The following IDS variants were observed in gnomAD, a reference collection of about 807,000 sequenced individuals.
IDS encodes alpha-L-iduronate sulfate sulfatase.
IDS carries 1 observed loss-of-function variant against 33.5 expected under a neutral mutation model. The ratio of observed to expected loss-of-function variants is 0.03; its 90% CI spans 0.01 to 0.14. The LOEUF (loss-of-function observed/expected upper bound fraction) is 0.14, where lower values mean the gene tolerates loss of function less well. Ranked by LOEUF, IDS falls within the 10% of genes least tolerant of loss-of-function variation. The pLI is 1.00. For missense variants in IDS, 328 were observed against 448.0 expected, an observed-to-expected ratio of 0.73 and a Z score of 2.42; for synonymous variants, 191 against 184.4, an observed-to-expected ratio of 1.04 and a Z score of -0.29.
chrX:149,489,415 A>G (rs782628232), intron 7 of IDS, among the ~76,000 whole-genome samples: 18 of 112,457 alleles, frequency 1.6e-4, no homozygotes, highest in Non-Finnish European at 1.9e-5. Context: ...GATGGCTGGC[A>G]GATGGATCCC....
intron 8 of IDS, 61 bp from the exon 9 acceptor site, chrX:149,483,279 A>C: frequency 1.1e-6 from 1 of 928,541 alleles, no homozygotes. Context: ...ATGGCCAGGC[A>C]GGAGCAGTAA....
intron 1 of IDS, among the ~76,000 whole-genome samples, chrX:149,504,677 A>G (rs1289540955): frequency 9.3e-6 from 1 of 107,069 alleles, no homozygotes; most frequent in African/African-American, 3.4e-5. Flanking sequence ...AGGAGGGGAG[A>G]AGAGAGAGAA....
intron 6 of IDS, 96 bp from the exon 7 acceptor site, chrX:149,490,536 T>C (rs1263154314): frequency 2.2e-6 from 2 of 890,302 alleles, no homozygotes; most frequent in Non-Finnish European, 3.2e-6. Context: ...TCCCAATCCC[T>C]ACCCCTTAGT....
intron 4 of IDS, among the ~76,000 whole-genome samples, chrX:149,500,114 A>C (rs782788747): frequency 4.5e-5 from 5 of 111,572 alleles, no homozygotes; most frequent in Non-Finnish European, 7.5e-5. Context: ...TAGTATTGTC[A>C]GACCCACCAC....
rs1424009797 is a variant in IDS, at chrX:149,479,000, A to C, written c.*3746T>G. The C allele has an allele frequency of 1.8e-5, 2 of 112,668 alleles. No individual in the cohort carries two copies. Among genetic ancestry groups the C allele is most frequent in the African/African-American group, 6.4e-5 (2 of 31,037 alleles). The allele number at this position is 112,668 out of a possible 1,213,427, so 9.3% of individuals were successfully genotyped here. On this transcript the variant is annotated 3_prime_UTR_variant, in exon 9 of 9. Transcript: ENST00000340855. Reference sequence around the variant, plus strand: ...GATCAAGGTCACTAACAAGCAAAGAATTTTAAGTTTTTTTTGTTTTTTGTT... The same window carrying C: ...GATCAAGGTCACTAACAAGCAAAGACTTTTAAGTTTTTTTTGTTTTTTGTT...
intron 6 of IDS, 100 bp from the exon 7 acceptor site, chrX:149,490,540 CCT>C: frequency 2.3e-6 from 2 of 879,774 alleles, no homozygotes; most frequent in Non-Finnish European, 3.3e-6. Flanking sequence ...AATCCCTACC[CCT>C]TAGTTGATGC....
chrX:149,500,137 T>C (rs2089468242), intron 4 of IDS, among the ~76,000 whole-genome samples: 1 of 110,905 alleles, frequency 9.0e-6, no homozygotes, highest in Admixed American at 9.6e-5. Flanking sequence ...TGAGAAGAAA[T>C]GGGTAGGGGG....
In IDS at chrX:149,481,267, G is replaced by A. The variant is rs1387709291; in HGVS notation, c.*1479C>T. On this transcript the variant is annotated 3_prime_UTR_variant, in exon 9 of 9. Transcript: ENST00000340855. ...GAAATGAACAGGGCCCTTCAGTCAC[G>A]GAGAAGTCGTTGTTGCCAGAACAGT... The A allele has an allele frequency of 2.7e-5, 3 of 112,256 alleles. No individual in the cohort carries two copies. Among genetic ancestry groups the A allele is most frequent in the Non-Finnish European group, 5.6e-5 (3 of 53,265 alleles). 9.3% of individuals were successfully genotyped at this position (112,256 alleles called of 1,213,427 possible).
intron 7 of IDS, chrX:149,487,410 C>G (rs781850822): frequency 7.3e-5 from 45 of 620,679 alleles, no homozygotes; most frequent in Non-Finnish European, 9.6e-5. Flanking sequence ...GCGGTTCCCA[C>G]ACATGCGTTC....
chrX:149,487,169 C>A (rs1242213786), intron 7 of IDS, 71 bp from the exon 8 acceptor site: 9 of 1,206,973 alleles, frequency 7.5e-6, no homozygotes, highest in Non-Finnish European at 1.0e-5. Flanking sequence ...ATTTTAGATA[C>A]CATTTCATTT....
At position 149,485,135 on chromosome X, in the gene IDS, G is replaced by C. The variant is rs140128958; in HGVS notation, c.1180+1790C>G. 4.6e-3 allele frequency among the ~76,000 whole-genome samples: 511 copies of C among 112,289 alleles called. 3 individuals are homozygous for C. Among genetic ancestry groups the C allele is most frequent in the Non-Finnish European group, 6.9e-3 (370 of 53,240 alleles). The stretch of plus-strand genomic sequence containing the variant: ...ACTTATAAAAAGATGAGGTCAGGGA[G>C]ATAATGGGGCCAGAACATGTAAGGC... On this transcript the variant is annotated intron_variant, in intron 8 of 8. Transcript: ENST00000340855.
intron 6 of IDS, among the ~76,000 whole-genome samples, chrX:149,494,295 C>A (rs1239396658): frequency 2.7e-5 from 3 of 111,888 alleles, no homozygotes; most frequent in Non-Finnish European, 5.7e-5. Flanking sequence ...TTTAGGGAAG[C>A]AACAAAGCCA....
chrX:149,504,439 G>T, intron 1 of IDS, 146 bp from the exon 2 acceptor site: 1 of 616,003 alleles, frequency 1.6e-6, no homozygotes, highest in Non-Finnish European at 2.5e-6. Context: ...CTCAGCAAGG[G>T]TGGGAGTGGG....
chrX:149,504,944 T>A, intron 1 of IDS, 91 bp downstream of exon 1: 3 of 646,956 alleles, frequency 4.6e-6, no homozygotes, highest in Non-Finnish European at 7.4e-6. Context: ...GTAAAAAGAA[T>A]GGATATAAAC....
chrX:149,489,278 G>T (rs1557338489), intron 7 of IDS, among the ~76,000 whole-genome samples: 1 of 112,687 alleles, frequency 8.9e-6, no homozygotes, highest in Non-Finnish European at 1.9e-5. Flanking sequence ...GATTGCCTAT[G>T]ACATTAAGTG....
At chrX:149,494,163 G>A (rs1557339053) in intron 6 of IDS, among the ~76,000 whole-genome samples, 1 of 111,717 alleles carries the variant, frequency 9.0e-6, no homozygotes, top group African/African-American at 3.3e-5. Context: ...CTACAGAGCA[G>A]AGGGTGTGGC....
At chrX:149,500,576 G>A (rs782810631) in intron 4 of IDS, among the ~76,000 whole-genome samples, 47 of 111,939 alleles carry the variant, frequency 4.2e-4, no homozygotes, top group African/African-American at 1.3e-3. Context: ...ACAGATACAC[G>A]GCATGCCTTT....
chrX:149,487,763 C>T (rs1353933955), intron 7 of IDS, among the ~76,000 whole-genome samples: 1 of 108,393 alleles, frequency 9.2e-6, no homozygotes, highest in African/African-American at 3.4e-5. Context: ...TTGGAAATAC[C>T]CAGTCTTTTA....
rs1557337292 is a variant in IDS, at chrX:149,480,011, A to G, written c.*2735T>C. ...GGGAGCTTGGTAGTGAAAAATGGTC[A>G]TGAATGAATGGGTGAAGAGAGGGAT... On this transcript the variant is annotated 3_prime_UTR_variant, in exon 9 of 9. Coordinates refer to ENST00000340855, the MANE Select transcript of IDS (RefSeq NM_000202.8). 1 of 278,084 alleles carries G rather than the reference A, an allele frequency of 3.6e-6. No homozygotes were observed. Among genetic ancestry groups the G allele is most frequent in the Non-Finnish European group, 6.3e-6 (1 of 158,782 alleles). The allele number at this position is 278,084 out of a possible 1,213,427, so 22.9% of individuals were successfully genotyped here. A position where few individuals can be genotyped will look rare whatever the true frequency, so the allele number is the denominator to read the frequency against.
Sources: allele counts gnomAD v4.1 joint callset (sites outside exome capture counted in the v4.1 genomes callset), GRCh38; gene constraint gnomAD v4.1.1; transcripts MANE v1.5; gene names NCBI Gene and HGNC (gene_info 2026-07-23, HGNC 2026-07-21).